Variants in NCALD observed in about 807,000 individuals in gnomAD.
The protein encoded by NCALD is neurocalcin-delta.
In NCALD, 10 loss-of-function variants were observed where a neutral mutation model predicts 18.6. That is an observed-to-expected ratio of 0.54 (90% CI 0.33 to 0.91). The LOEUF is 0.91. Among genes scored for constraint, NCALD ranks in the 40% least tolerant of loss-of-function variants. The pLI, the probability that NCALD is intolerant of heterozygous loss-of-function variation, is 0.03. For missense variants in NCALD, 184 were observed against 247.6 expected (o/e 0.74, Z 1.72); for synonymous variants, 88 against 87.4 (o/e 1.01, Z -0.04).
Position 101,737,376 on chromosome 8 carries a change from T to A in NCALD, c.-19-17728A>T, listed in dbSNP as rs118177043. Among the ~76,000 whole-genome samples the A allele has an allele frequency of 6.6e-3, 1,010 of 152,330 alleles. 28 individuals are homozygous for A. Among genetic ancestry groups the A allele is most frequent in the Admixed American group, 0.037 (561 of 15,306 alleles). Reference sequence around the variant, plus strand: ...TGTCTTCACTGTCTCCCATCTGAACTCAAAAATATTAACTGCTCAGCCTCT... The same window carrying A: ...TGTCTTCACTGTCTCCCATCTGAACACAAAAATATTAACTGCTCAGCCTCT... On this transcript the variant is annotated intron_variant, in intron 1 of 3. Coordinates refer to ENST00000220931, the MANE Select transcript of NCALD (RefSeq NM_032041.3).
intron 2 of NCALD, among the ~76,000 whole-genome samples, chr8:102,017,246 G>C (rs1274332085): frequency 6.6e-6 from 1 of 151,526 alleles, no homozygotes; most frequent in Non-Finnish European, 1.5e-5. Flanking sequence ...CAAAAATTTA[G>C]ACATCCATAT....
chr8:101,795,249 G>T (rs1244677984), upstream of NCALD, among the ~76,000 whole-genome samples: 2 of 152,188 alleles, frequency 1.3e-5, no homozygotes, highest in African/African-American at 2.4e-5. Flanking sequence ...ACATCAAAGA[G>T]TGGCAGAGGC....
intron 4 of NCALD, among the ~76,000 whole-genome samples, chr8:101,859,877 G>A (rs747584014): frequency 1.7e-4 from 26 of 152,104 alleles, no homozygotes; most frequent in Admixed American, 6.5e-4. Flanking sequence ...GAATGTGCCC[G>A]TTTGCCCAAA....
intron 1 of NCALD, among the ~76,000 whole-genome samples, chr8:102,090,815 CT>C (rs1824900534): frequency 6.6e-6 from 1 of 152,068 alleles, no homozygotes; most frequent in Admixed American, 6.5e-5. Context: ...CAATAAGAAT[CT>C]TTTTTCTTTT....
intron 1 of NCALD, among the ~76,000 whole-genome samples, chr8:102,033,435 GGATA>G (rs1289309214): frequency 6.6e-6 from 1 of 152,086 alleles, no homozygotes; most frequent in African/African-American, 2.4e-5. Context: ...AATTAAAATG[GGATA>G]GTCTATTCTA....
At chr8:101,859,531 A>C (rs1815455235) in intron 4 of NCALD, among the ~76,000 whole-genome samples, 1 of 152,174 alleles carries the variant, frequency 6.6e-6, no homozygotes, top group African/African-American at 2.4e-5. Flanking sequence ...ATAAGATACT[A>C]TATCCATGAC....
At chr8:101,912,728 C>T (rs1817844436) in intron 3 of NCALD, among the ~76,000 whole-genome samples, 1 of 152,242 alleles carries the variant, frequency 6.6e-6, no homozygotes, top group South Asian at 2.1e-4. Flanking sequence ...GACACACCCT[C>T]AGGTGATCCC....
At chr8:101,943,194 G>T (rs1211636258) in intron 2 of NCALD, among the ~76,000 whole-genome samples, 1 of 150,922 alleles carries the variant, frequency 6.6e-6, no homozygotes, top group African/African-American at 2.5e-5. Context: ...GAAGCAGGTG[G>T]CAAAAAAGAG....
intron 2 of NCALD, among the ~76,000 whole-genome samples, chr8:101,707,223 A>C (rs556714619): frequency 4.6e-5 from 7 of 152,148 alleles, no homozygotes; most frequent in African/African-American, 1.7e-4. Context: ...TCTTTGGGGG[A>C]AAAAATGCAA....
intron 2 of NCALD, among the ~76,000 whole-genome samples, chr8:101,971,241 T>A (rs1437625635): frequency 6.6e-6 from 1 of 152,068 alleles, no homozygotes; most frequent in Non-Finnish European, 1.5e-5. Context: ...GATGTCAGTG[T>A]GTATCGTGGT....
chr8:101,930,893 A>C (rs769705768), intron 2 of NCALD, among the ~76,000 whole-genome samples: 6 of 152,128 alleles, frequency 3.9e-5, no homozygotes, highest in Non-Finnish European at 1.5e-5. Context: ...TTTCTATTCC[A>C]GGGAAGTTGT....
Position 101,997,371 on chromosome 8 carries a change from CTTT to C in NCALD, c.-157+22863_-157+22865del, listed in dbSNP as rs1371802954. Among the ~76,000 whole-genome samples the C allele has an allele frequency of 7.9e-5, 12 of 151,988 alleles. 1 individual carries two copies. Among genetic ancestry groups the C allele is most frequent in the Admixed American group, 7.2e-4 (11 of 15,268 alleles). On this transcript the variant is annotated intron_variant, in intron 2 of 6. Transcript: ENST00000311028. The stretch of plus-strand genomic sequence containing the variant: ...ATAAATAATATTTTTAAAGAGCATG[CTTT>C]TATTTTTTTTTTCCTGGAACCTTTT...
intron 2 of NCALD, among the ~76,000 whole-genome samples, chr8:101,978,028 G>T (rs1820485155): frequency 6.7e-6 from 1 of 148,740 alleles, no homozygotes; most frequent in South Asian, 2.1e-4. Flanking sequence ...CAAGCCCCTT[G>T]TCCCCTCTCA....
At chr8:101,840,477 T>C (rs1294759295) in intron 4 of NCALD, among the ~76,000 whole-genome samples, 6 of 152,214 alleles carry the variant, frequency 3.9e-5, no homozygotes, top group African/African-American at 1.2e-4. Flanking sequence ...CAAAAGCTGA[T>C]ACATTACGTA....
intron 4 of NCALD, among the ~76,000 whole-genome samples, chr8:101,830,358 C>T (rs1026625107): frequency 1.3e-5 from 2 of 152,048 alleles, no homozygotes; most frequent in Admixed American, 6.5e-5. Context: ...GTCAGGAGTT[C>T]GTGTCCAGCC....
chr8:102,084,796 C>T (rs1824681886), intron 1 of NCALD, among the ~76,000 whole-genome samples: 1 of 152,220 alleles, frequency 6.6e-6, no homozygotes, highest in Non-Finnish European at 1.5e-5. Context: ...CAGGTGTTTT[C>T]TATCTATTGG....
chr8:101,766,724 A>T (rs1563747568), intron 1 of NCALD, among the ~76,000 whole-genome samples: 1 of 152,042 alleles, frequency 6.6e-6, no homozygotes, highest in Non-Finnish European at 1.5e-5. Context: ...TTACAGGCGC[A>T]TGCCACCATG....
intron 4 of NCALD, among the ~76,000 whole-genome samples, chr8:101,805,451 C>G (rs1813064312): frequency 6.6e-6 from 1 of 152,172 alleles, no homozygotes; most frequent in Non-Finnish European, 1.5e-5. Flanking sequence ...AGACTCTACT[C>G]TAAGCACAGC....
At chr8:101,856,224 T>A (rs772156283) in intron 4 of NCALD, among the ~76,000 whole-genome samples, 7 of 152,140 alleles carry the variant, frequency 4.6e-5, no homozygotes, top group Non-Finnish European at 8.8e-5. Flanking sequence ...CAGGCTGGAG[T>A]GCAATGGTGT....
Sources: gnomAD v4.1 joint callset for allele counts (sites outside exome capture counted in the v4.1 genomes callset) on GRCh38, gnomAD v4.1.1 for gene constraint, MANE v1.5 for transcripts, NCBI Gene and HGNC (gene_info 2026-07-23, HGNC 2026-07-21) for gene names.